The following PID1 variants were observed in gnomAD, a reference collection of about 807,000 sequenced individuals.
PID1 encodes the protein PTB-containing, cubilin and LRP1-interacting protein.
A neutral mutation model predicts 19.1 loss-of-function variants in PID1; 10 were observed. That is an observed-to-expected ratio of 0.52 (90% CI 0.32 to 0.89). The LOEUF (loss-of-function observed/expected upper bound fraction) is 0.89, where lower values mean the gene tolerates loss of function less well. Ranked by LOEUF, PID1 falls within the 40% of genes least tolerant of loss-of-function variation. The pLI is 0.03. For synonymous variants in PID1, 130 were observed against 116.0 expected, an observed-to-expected ratio of 1.12 and a Z score of -0.78; for missense variants, 248 against 285.3, an observed-to-expected ratio of 0.87 and a Z score of 0.94.
intron 1 of PID1, among the ~76,000 whole-genome samples, chr2:229,235,593 G>A (rs898230624): frequency 4.6e-5 from 7 of 151,864 alleles, no homozygotes; most frequent in African/African-American, 9.7e-5. Context: ...ATTAATCCTT[G>A]AAATAGTCAC....
intron 1 of PID1, among the ~76,000 whole-genome samples, chr2:229,165,383 T>G (rs10804348): frequency 0.45 from 68,609 of 151,944 alleles, 17,002 homozygotes; most frequent in Admixed American, 0.61. Context: ...GCAGACCGCT[T>G]AAGCTCAGGA....
chr2:229,155,995 T>C, intron 1 of PID1, 31 bp from the exon 2 acceptor site: 1 of 1,603,550 alleles, frequency 6.2e-7, no homozygotes, highest in Non-Finnish European at 8.5e-7. Context: ...CCACATGTAG[T>C]TTAATCACTT....
At chr2:229,101,827 G>T (rs964139188) in intron 2 of PID1, among the ~76,000 whole-genome samples, 4 of 152,168 alleles carry the variant, frequency 2.6e-5, no homozygotes, top group Non-Finnish European at 4.4e-5. Context: ...GCCTCCAAAA[G>T]ATGTCCATAT....
chr2:229,214,322 G>A (rs752149250), intron 1 of PID1, among the ~76,000 whole-genome samples: 4 of 152,092 alleles, frequency 2.6e-5, no homozygotes, highest in African/African-American at 9.7e-5. Context: ...CCGAGAGCCT[G>A]GAGCAGAGGA....
chr2:229,158,782 T>C (rs1190181950), intron 1 of PID1, among the ~76,000 whole-genome samples: 1 of 152,172 alleles, frequency 6.6e-6, no homozygotes, highest in African/African-American at 2.4e-5. Flanking sequence ...AAAACAGTTC[T>C]TTAAAAAGTA....
At chr2:229,043,556 A>G (rs1693815833) in intron 2 of PID1, among the ~76,000 whole-genome samples, 1 of 152,242 alleles carries the variant, frequency 6.6e-6, no homozygotes, top group African/African-American at 2.4e-5. Flanking sequence ...AAGCACATTT[A>G]TTTTTAGTGA....
chr2:229,146,411 G>C (rs911577452), intron 2 of PID1, among the ~76,000 whole-genome samples: 1 of 151,952 alleles, frequency 6.6e-6, no homozygotes, highest in Non-Finnish European at 1.5e-5. Context: ...AGGTTGATAG[G>C]TACAGCAAAC....
chr2:229,216,036 G>A (rs1398644497), intron 1 of PID1, among the ~76,000 whole-genome samples: 2 of 152,162 alleles, frequency 1.3e-5, no homozygotes, highest in Non-Finnish European at 2.9e-5. Flanking sequence ...CATATTTCCT[G>A]CAGAAGAGGA....
At chr2:229,242,563 T>C (rs944565462) in intron 1 of PID1, among the ~76,000 whole-genome samples, 2 of 152,146 alleles carry the variant, frequency 1.3e-5, no homozygotes, top group Non-Finnish European at 2.9e-5. Flanking sequence ...CAACCCATTC[T>C]GCCTCTTCAC....
chr2:229,064,556 A>C (rs944329023), intron 2 of PID1, among the ~76,000 whole-genome samples: 1 of 152,188 alleles, frequency 6.6e-6, no homozygotes, highest in Non-Finnish European at 1.5e-5. Context: ...GACTTCCTCA[A>C]AACATAAGTA....
chr2:229,050,225 C>A (rs1025588349), intron 2 of PID1, among the ~76,000 whole-genome samples: 4 of 152,158 alleles, frequency 2.6e-5, no homozygotes, highest in Admixed American at 2.6e-4. Context: ...TCTGTACAAT[C>A]CCCCATTAGA....
intron 1 of PID1, among the ~76,000 whole-genome samples, chr2:229,158,193 C>G (rs1417007539): frequency 2.0e-5 from 3 of 152,088 alleles, no homozygotes; most frequent in Non-Finnish European, 4.4e-5. Flanking sequence ...TTAAAAACAC[C>G]AGGACTATTC....
At chr2:229,123,710 G>T (rs1453033867) in intron 2 of PID1, among the ~76,000 whole-genome samples, 1 of 152,184 alleles carries the variant, frequency 6.6e-6, no homozygotes, top group Admixed American at 6.5e-5. Flanking sequence ...TTTCATTCAA[G>T]TGGGTATAAA....
intron 2 of PID1, among the ~76,000 whole-genome samples, chr2:229,047,789 C>T (rs1395876128): frequency 1.3e-5 from 2 of 152,186 alleles, no homozygotes; most frequent in African/African-American, 4.8e-5. Flanking sequence ...CCAACTCTCA[C>T]AACACCTCTT....
chr2:229,150,142 G>C (rs1574669582), intron 2 of PID1, among the ~76,000 whole-genome samples: 1 of 151,492 alleles, frequency 6.6e-6, no homozygotes, highest in Non-Finnish European at 1.5e-5. Flanking sequence ...GCTGAAGCAG[G>C]AGAATCGCTT....
chr2:229,106,077 C>CAAAAAAAAAAAAAA (rs10664324), intron 2 of PID1, among the ~76,000 whole-genome samples: 5 of 122,124 alleles, frequency 4.1e-5, no homozygotes, highest in African/African-American at 1.3e-4. Context: ...GAGATTCCGT[C>CAAAAAAAAAAAAAA]AAAAAAAAAA....
chr2:229,115,512 C>T (rs964708575), intron 2 of PID1, among the ~76,000 whole-genome samples: 1 of 151,794 alleles, frequency 6.6e-6, no homozygotes, highest in Non-Finnish European at 1.5e-5. Context: ...TAAAAATTTA[C>T]TGTAAACTAC....
chr2:229,055,630 T>A (rs1456211539), intron 2 of PID1, among the ~76,000 whole-genome samples: 2 of 152,322 alleles, frequency 1.3e-5, no homozygotes, highest in African/African-American at 2.4e-5. Flanking sequence ...CTATAATATG[T>A]TTTTGGTTTG....
chr2:229,058,056 C>T (rs1291952845), intron 2 of PID1, among the ~76,000 whole-genome samples: 1 of 152,142 alleles, frequency 6.6e-6, no homozygotes, highest in Non-Finnish European at 1.5e-5. Context: ...CTGTGTCCCC[C>T]AGGTAGAGGA....
Sources: gnomAD v4.1 joint callset for allele counts (sites outside exome capture counted in the v4.1 genomes callset) on GRCh38, gnomAD v4.1.1 for gene constraint, MANE v1.5 for transcripts, NCBI Gene and HGNC (gene_info 2026-07-23, HGNC 2026-07-21) for gene names.